WNK2: variants seen among roughly 807,000 people sequenced by gnomAD.
WNK2 encodes the protein serine/threonine-protein kinase WNK2.
A neutral mutation model predicts 192.1 loss-of-function variants in WNK2; 67 were observed. The ratio of observed to expected loss-of-function variants is 0.35; its 90% CI spans 0.29 to 0.43. The LOEUF (loss-of-function observed/expected upper bound fraction) is 0.43. Among genes scored for constraint, WNK2 ranks in the 20% least tolerant of loss-of-function variants. The probability of loss-of-function intolerance (pLI) is 1.00; values close to 1 mark genes in which losing one functional copy is unlikely to be tolerated. For missense variants in WNK2, 2,698 were observed against 3,089.7 expected, an observed-to-expected ratio of 0.87 and a Z score of 3.01; for synonymous variants, 1,439 against 1,393.9, an observed-to-expected ratio of 1.03 and a Z score of -0.72.
chr9:93,186,304 G>A (rs948680199), intron 2 of WNK2, among the ~76,000 whole-genome samples: 2 of 152,196 alleles, frequency 1.3e-5, no homozygotes, highest in African/African-American at 4.8e-5. Flanking sequence ...GAATGCGTGT[G>A]GGGGTTTTTC....
chr9:93,211,474 CCACT>C (rs139415727), intron 2 of WNK2, among the ~76,000 whole-genome samples: 1,717 of 140,454 alleles, frequency 0.012, 16 homozygotes, highest in Middle Eastern at 0.023. Context: ...TCACTCCCAT[CCACT>C]CACTCACTCA....
Position 93,256,401 on chromosome 9 carries a change from C to T in WNK2, c.2137C>T (p.Pro713Ser). 1 of 1,548,022 alleles carries T rather than the reference C, an allele frequency of 6.5e-7. No homozygotes were observed. The highest frequency in any genetic ancestry group is 8.7e-7 in the Non-Finnish European group (1 of 1,152,540). The part of the protein sequence containing the change: ...AMSFAPVLPP[P>S]STPMPTGPGQ... Reference sequence around the variant, plus strand: ...GAGCTTCGCCCCCGTGCTGCCGCCGCCCAGCACCCCCATGCCCACGGGCCC... The same window carrying T: ...GAGCTTCGCCCCCGTGCTGCCGCCGTCCAGCACCCCCATGCCCACGGGCCC... Residue 713 changes from proline (P) to serine (S), a missense_variant, in exon 10 of 30, where the codon CCC becomes TCC. By Grantham distance (74) the Pro-to-Ser change is moderately conservative. Transcript: ENST00000427277.
chr9:93,289,252 C>A lies in WNK2; in HGVS notation c.4498C>A (p.Leu1500Ile). 1 of 1,603,908 alleles carries A rather than the reference C, an allele frequency of 6.2e-7. No individual in the cohort carries two copies. The highest frequency in any genetic ancestry group is 8.5e-7 in the Non-Finnish European group (1 of 1,177,218). Reference sequence around the variant, plus strand: ...CGCCTTGGGTCAACCTGCTCCCCTGCTTCCTGCCGCAGTGGGGGCCGTCAG... The same window carrying A: ...CGCCTTGGGTCAACCTGCTCCCCTGATTCCTGCCGCAGTGGGGGCCGTCAG... ...QPALGQPAPLLPAAVGAVSLA... is the reference protein window; with the variant it reads ...QPALGQPAPLIPAAVGAVSLA... Residue 1500 changes from leucine (L) to isoleucine (I), a missense_variant, in exon 20 of 30, where the codon CTT (leucine) becomes ATT (isoleucine). Around this residue, in one of 7 missense-constraint regions of WNK2, gnomAD observed 1,098 missense variants for 1,101.0 expected, o/e 1.00. Transcript: ENST00000427277.
In WNK2 at chr9:93,253,098, A is replaced by C; in HGVS notation, c.2034+16A>C. 6 of 1,379,504 alleles carry C rather than the reference A, an allele frequency of 4.3e-6. No individual in the cohort carries two copies. Among genetic ancestry groups the C allele is most frequent in the Non-Finnish European group, 4.7e-6 (5 of 1,067,174 alleles). 85.5% of individuals were successfully genotyped at this position (1,379,504 alleles called of 1,614,324 possible). On this transcript the variant is annotated intron_variant, in intron 9 of 29. Transcript: ENST00000427277. ...CACGGCTGCAGTGAGTCAGAGCATC[A>C]CTCCCACCCCCTTCCCCATCCCCAT... is the stretch of plus-strand genomic sequence containing the variant.
intron 8 of WNK2, among the ~76,000 whole-genome samples, chr9:93,248,073 C>T (rs771368176): frequency 2.0e-5 from 3 of 152,234 alleles, no homozygotes; most frequent in East Asian, 3.9e-4. Flanking sequence ...ACCTATGCCC[C>T]GTGACAGGCT....
chr9:93,189,495 G>A (rs1024526276), intron 2 of WNK2, among the ~76,000 whole-genome samples: 1 of 152,208 alleles, frequency 6.6e-6, no homozygotes, highest in African/African-American at 2.4e-5. Context: ...CCACCCAGAG[G>A]GGGCAGGGCT....
At chr9:93,220,082 G>A (rs1836558937) in intron 2 of WNK2, among the ~76,000 whole-genome samples, 1 of 152,204 alleles carries the variant, frequency 6.6e-6, no homozygotes, top group Admixed American at 6.5e-5. Context: ...TTCCCCCAGG[G>A]TGTGAATGAG....
In WNK2 at chr9:93,292,646, G is replaced by A; in HGVS notation, c.5181G>A (p.Gly1727=). 1 of 1,582,056 alleles carries A rather than the reference G, an allele frequency of 6.3e-7. No individual in the cohort carries two copies. The highest frequency in any genetic ancestry group is 8.6e-7 in the Non-Finnish European group (1 of 1,165,068). ...HPQTLGARAL[G]SPRKRPEQQD... ...AGACACTCGGCGCTCGAGCTTTGGGGTCCCCTCGGAAACGTCCAGAGCAGC... is the reference window on the plus strand; with the variant it reads ...AGACACTCGGCGCTCGAGCTTTGGGATCCCCTCGGAAACGTCCAGAGCAGC... The change falls in exon 23 of 30, where the codon GGG becomes GGA. Residue 1727 remains glycine (G), a synonymous_variant. Coordinates refer to ENST00000427277, the MANE Select transcript of WNK2 (RefSeq NM_006648.4).
chr9:93,276,594 A>G (rs1171113722), intron 19 of WNK2, among the ~76,000 whole-genome samples: 1 of 152,244 alleles, frequency 6.6e-6, no homozygotes, highest in Non-Finnish European at 1.5e-5. Flanking sequence ...CAATGTCAAA[A>G]TCTTTTGCTC....
intron 19 of WNK2, among the ~76,000 whole-genome samples, chr9:93,288,044 C>CAA (rs550063867): frequency 5.3e-5 from 8 of 150,716 alleles, no homozygotes; most frequent in African/African-American, 1.5e-4. Context: ...AGACCATCTC[C>CAA]AAAAAAAAAG....
At chr9:93,307,425 TTCTC>T (rs1391589381) in intron 27 of WNK2, 1 of 152,280 alleles carries the variant, frequency 6.6e-6, no homozygotes, top group African/African-American at 2.4e-5. Flanking sequence ...ATTAGATTGT[TTCTC>T]TATGCAGAAA....
chr9:93,310,884 A>G (rs1398215471), intron 28 of WNK2, among the ~76,000 whole-genome samples: 1 of 152,192 alleles, frequency 6.6e-6, no homozygotes. Context: ...GGATCGCTGG[A>G]GCCCAGGAGT....
At chr9:93,263,385 C>G (rs1228979876) in intron 14 of WNK2, 181 bp from the exon 15 acceptor site, 32 of 712,602 alleles carry the variant, frequency 4.5e-5, no homozygotes, top group Non-Finnish European at 6.3e-5. Flanking sequence ...TTGGGTGCAG[C>G]AGGGAGCTGG....
chr9:93,233,197 C>CA (rs11298656), intron 4 of WNK2, among the ~76,000 whole-genome samples: 16,434 of 98,766 alleles, frequency 0.17, 1,384 homozygotes, highest in East Asian at 0.24. Flanking sequence ...GATCCAGTCT[C>CA]AAAAAAAAAA....
intron 3 of WNK2, 136 bp downstream of exon 3, chr9:93,230,004 C>A: frequency 9.3e-7 from 1 of 1,078,018 alleles, no homozygotes; most frequent in Non-Finnish European, 1.3e-6. Flanking sequence ...TCCTCTCCTG[C>A]ATGGGATGCC....
intron 2 of WNK2, among the ~76,000 whole-genome samples, chr9:93,205,332 A>G (rs1248287934): frequency 6.6e-6 from 1 of 152,196 alleles, no homozygotes; most frequent in Non-Finnish European, 1.5e-5. Context: ...ACCAGCCTTC[A>G]TGGGGAGTGG....
At chr9:93,207,409 G>T (rs1485595843) in intron 2 of WNK2, among the ~76,000 whole-genome samples, 1 of 152,206 alleles carries the variant, frequency 6.6e-6, no homozygotes, top group Non-Finnish European at 1.5e-5. Context: ...CAGCTCCTGA[G>T]GAGGGTGAGC....
At chr9:93,238,184 G>A (rs762806878) in intron 5 of WNK2, 49 bp from the exon 6 acceptor site, 13 of 1,581,074 alleles carry the variant, frequency 8.2e-6, no homozygotes, top group South Asian at 3.3e-5. Flanking sequence ...TGGAGGCCTC[G>A]CCTTCCGGCA....
At chr9:93,310,686 T>A (rs546237138) in intron 28 of WNK2, among the ~76,000 whole-genome samples, 23 of 152,360 alleles carry the variant, frequency 1.5e-4, no homozygotes, top group African/African-American at 4.6e-4. Flanking sequence ...CTCTATGACT[T>A]TGACTACTCT....
Sources: allele counts gnomAD v4.1 joint callset (sites outside exome capture counted in the v4.1 genomes callset), GRCh38; gene constraint gnomAD v4.1.1; regional missense constraint gnomAD v4.1.1; transcripts MANE v1.5; gene names NCBI Gene and HGNC (gene_info 2026-07-23, HGNC 2026-07-21).